Variants in ATF2 observed in about 807,000 individuals in gnomAD.
ATF2 encodes the protein cyclic AMP-dependent transcription factor ATF-2.
A neutral mutation model predicts 60.6 loss-of-function variants in ATF2; 24 were observed. The observed-to-expected ratio is 0.40, with a 90% CI of 0.29 to 0.56. The LOEUF (loss-of-function observed/expected upper bound fraction) is 0.56. Among genes scored for constraint, ATF2 ranks in the 20% least tolerant of loss-of-function variants. The pLI is 0.54. For missense variants in ATF2, 433 were observed against 607.7 expected (o/e 0.71, Z 3.02); for synonymous variants, 206 against 215.4 (o/e 0.96, Z 0.38).
intron 12 of ATF2, among the ~76,000 whole-genome samples, chr2:175,089,598 C>T (rs983634257): frequency 3.3e-5 from 5 of 152,150 alleles, no homozygotes; most frequent in African/African-American, 9.7e-5. Context: ...TCACAGTTAA[C>T]GGTTTTGCTG....
In ATF2 at chr2:175,166,644, T is replaced by C. The variant is rs146385446; in HGVS notation, c.-143+1406A>G. ...GGTTTGACTTTTTAACAAGCTTTTA[T>C]AAATAAAGCTTTACCTTCATAATTT... On this transcript the variant is annotated intron_variant, in intron 1 of 13. Coordinates refer to ENST00000264110, the MANE Select transcript of ATF2 (RefSeq NM_001880.4). Among the ~76,000 whole-genome samples, 887 of 152,334 alleles carry C rather than the reference T, an allele frequency of 5.8e-3. 4 individuals are homozygous for C. Among genetic ancestry groups the C allele is most frequent in the African/African-American group, 0.02 (817 of 41,574 alleles).
At position 175,118,491 on chromosome 2, in the gene ATF2, G is replaced by C. The variant is rs1696734853; in HGVS notation, c.200-122C>G. ...CAGTTGTTAATTCTCTCTTTGGAAAGACCTCTTCCTTTAAAACAAACAAAA... is the reference window on the plus strand; with the variant it reads ...CAGTTGTTAATTCTCTCTTTGGAAACACCTCTTCCTTTAAAACAAACAAAA... On this transcript the variant is annotated intron_variant, in intron 5 of 13. Transcript: ENST00000264110. The C allele has an allele frequency of 3.8e-6, 3 of 798,280 alleles. No homozygotes were observed. The Admixed American group carries it at 1.1e-4, about 28-fold the overall frequency. The allele number at this position is 798,280 out of a possible 1,614,324, so 49.4% of individuals were successfully genotyped here.
intron 4 of ATF2, among the ~76,000 whole-genome samples, chr2:175,129,192 G>C (rs1697558667): frequency 6.6e-6 from 1 of 152,084 alleles, no homozygotes; most frequent in African/African-American, 2.4e-5. Flanking sequence ...GAGAAATATT[G>C]AATTATGTGG....
intron 12 of ATF2, among the ~76,000 whole-genome samples, chr2:175,084,306 T>C (rs929998499): frequency 2.0e-5 from 3 of 151,822 alleles, no homozygotes; most frequent in African/African-American, 7.3e-5. Flanking sequence ...TGGAATACTA[T>C]GCAGCCATAA....
Position 175,114,300 on chromosome 2 carries a change from AAGAAG to A in ATF2, c.627-197_627-193del, listed in dbSNP as rs926681953. The A allele has an allele frequency of 9.2e-5, 121 of 1,314,060 alleles. 1 individual carries two copies. The highest frequency in any genetic ancestry group is 6.6e-4 in the African/African-American group (43 of 65,494). 81.4% of individuals were successfully genotyped at this position (1,314,060 alleles called of 1,614,324 possible). On this transcript the variant is annotated intron_variant, in intron 8 of 13. Coordinates refer to ENST00000264110, the MANE Select transcript of ATF2 (RefSeq NM_001880.4). ...GCATAACCTGTGTAGCAGTATTGAA[AAGAAG>A]AGAAAAGTTATGGATTTACTTAGGA...
chr2:175,077,428 T>C (rs941227759), intron 13 of ATF2, among the ~76,000 whole-genome samples: 1 of 152,162 alleles, frequency 6.6e-6, no homozygotes, highest in Non-Finnish European at 1.5e-5. Context: ...TGTAAAAGTG[T>C]TCCTATTTCT....
At chr2:175,116,081 G>C (rs1696543207) in intron 7 of ATF2, among the ~76,000 whole-genome samples, 1 of 152,124 alleles carries the variant, frequency 6.6e-6, no homozygotes, top group Non-Finnish European at 1.5e-5. Context: ...ATCAAAGAGG[G>C]CTTATGCCAA....
chr2:175,076,622 A>T (rs914919290), intron 13 of ATF2, among the ~76,000 whole-genome samples: 1 of 152,134 alleles, frequency 6.6e-6, no homozygotes, highest in Non-Finnish European at 1.5e-5. Context: ...TAATTCAGTT[A>T]TTAAAATAGC....
At chr2:175,119,670 A>G (rs1392036196) in intron 5 of ATF2, among the ~76,000 whole-genome samples, 4 of 151,500 alleles carry the variant, frequency 2.6e-5, no homozygotes, top group Non-Finnish European at 4.4e-5. Flanking sequence ...CTCCCAAAAG[A>G]TCTCAAAAAT....
chr2:175,155,365 C>G (rs543490549), intron 1 of ATF2, among the ~76,000 whole-genome samples: 1 of 152,286 alleles, frequency 6.6e-6, no homozygotes, highest in South Asian at 2.1e-4. Flanking sequence ...ACCATTAACC[C>G]TCAAGCTTCT....
chr2:175,099,554 C>A (rs921072476), intron 10 of ATF2, among the ~76,000 whole-genome samples: 4 of 152,184 alleles, frequency 2.6e-5, no homozygotes, highest in African/African-American at 4.8e-5. Flanking sequence ...GTTTTCTGAT[C>A]CCAAGAGTTT....
chr2:175,079,397 G>A (rs1027048817), intron 13 of ATF2, among the ~76,000 whole-genome samples: 1 of 151,994 alleles, frequency 6.6e-6, no homozygotes, highest in Non-Finnish European at 1.5e-5. Context: ...GCTTCTATAG[G>A]AAATTATGTT....
At chr2:175,107,953 A>G (rs1350097490) in intron 10 of ATF2, among the ~76,000 whole-genome samples, 1 of 152,002 alleles carries the variant, frequency 6.6e-6, no homozygotes, top group Non-Finnish European at 1.5e-5. Flanking sequence ...TTGGCCTCCC[A>G]AAGTGCCGAG....
chr2:175,087,814 A>G (rs189704640), intron 12 of ATF2, among the ~76,000 whole-genome samples: 39 of 152,302 alleles, frequency 2.6e-4, no homozygotes, highest in Admixed American at 2.4e-3. Flanking sequence ...TAACAGAAAA[A>G]AAGACAAGAG....
chr2:175,095,104 C>CT (rs914424296), intron 11 of ATF2, among the ~76,000 whole-genome samples: 89 of 145,384 alleles, frequency 6.1e-4, no homozygotes, highest in Middle Eastern at 3.5e-3. Flanking sequence ...TTTTCTTTTT[C>CT]TTTTTTTTTT....
intron 2 of ATF2, among the ~76,000 whole-genome samples, chr2:175,138,880 G>GA (rs1234214931): frequency 6.6e-6 from 1 of 152,172 alleles, no homozygotes; most frequent in Non-Finnish European, 1.5e-5. Flanking sequence ...ACTTCTTGAA[G>GA]AAACATAACA....
intron 12 of ATF2, among the ~76,000 whole-genome samples, chr2:175,086,354 G>C (rs1694166117): frequency 6.6e-6 from 1 of 152,168 alleles, no homozygotes; most frequent in Non-Finnish European, 1.5e-5. Flanking sequence ...ATACTGCAAA[G>C]CAAACATAGC....
At chr2:175,111,160 T>C (rs560660878) in intron 10 of ATF2, among the ~76,000 whole-genome samples, 1 of 152,136 alleles carries the variant, frequency 6.6e-6, no homozygotes, top group Non-Finnish European at 1.5e-5. Context: ...CAGAAAAAAA[T>C]GGTTTTATCA....
At chr2:175,111,684 T>C in intron 9 of ATF2, 30 bp from the exon 10 acceptor site, 1 of 1,558,632 alleles carries the variant, frequency 6.4e-7, no homozygotes, top group African/African-American at 1.4e-5. Flanking sequence ...AAATAATTGC[T>C]AGAGAATATA....
Sources: gnomAD v4.1 joint callset for allele counts (sites outside exome capture counted in the v4.1 genomes callset) on GRCh38, gnomAD v4.1.1 for gene constraint, MANE v1.5 for transcripts, NCBI Gene and HGNC (gene_info 2026-07-23, HGNC 2026-07-21) for gene names.